Variants in LRCH2 observed in about 807,000 individuals in gnomAD.
LRCH2 encodes the protein leucine-rich repeat and calponin homology domain-containing protein 2.
LRCH2 carries 38 observed loss-of-function variants against 68.9 expected under a neutral mutation model. That is an observed-to-expected ratio of 0.55 (90% confidence interval 0.43 to 0.72). The LOEUF (loss-of-function observed/expected upper bound fraction) is 0.72, where lower values mean the gene tolerates loss of function less well. LRCH2 is among the 30% of genes least tolerant of loss of function. The pLI is 0.00. For synonymous variants in LRCH2, 191 were observed against 208.1 expected, an observed-to-expected ratio of 0.92 and a Z score of 0.71; for missense variants, 528 against 572.9, an observed-to-expected ratio of 0.92 and a Z score of 0.80.
intron 3 of LRCH2, among the ~76,000 whole-genome samples, chrX:115,181,267 G>T (rs1357830001): frequency 5.4e-5 from 6 of 111,831 alleles, no homozygotes; most frequent in South Asian, 3.7e-4. Flanking sequence ...ATGTGGGCAG[G>T]ATCCAGAAAC....
intron 5 of LRCH2, among the ~76,000 whole-genome samples, chrX:115,171,001 T>C (rs1360860209): frequency 9.0e-6 from 1 of 111,477 alleles, no homozygotes; most frequent in Non-Finnish European, 1.9e-5. Context: ...ATTACTTTCG[T>C]TGGCCATAGA....
chrX:115,192,068 G>A lies in LRCH2; in HGVS notation c.350-3698C>T, dbSNP rs371367269. On this transcript the variant is annotated intron_variant, in intron 1 of 20. Transcript: ENST00000317135. ...TCGCACGACACCCACAGCAGGGGCC[G>A]ATCGCCCGATGCCCACAGCGGGGAC... 5.1e-5 allele frequency: 59 copies of A among 1,165,092 alleles called. No individual in the cohort carries two copies. The African/African-American group carries it at 8.3e-4, about 16-fold the overall frequency.
intron 7 of LRCH2, 105 bp downstream of exon 7, chrX:115,166,150 G>T: frequency 1.5e-6 from 1 of 658,853 alleles, no homozygotes. Flanking sequence ...AAAATATAAT[G>T]ATCATATTTT....
chrX:115,155,485 C>A (rs1394254630), intron 12 of LRCH2, among the ~76,000 whole-genome samples: 1 of 110,928 alleles, frequency 9.0e-6, no homozygotes, highest in Non-Finnish European at 1.9e-5. Context: ...TATAATACTT[C>A]TTAATACCAG....
intron 3 of LRCH2, 65 bp downstream of exon 3, chrX:115,184,346 G>A: frequency 1.2e-6 from 1 of 865,382 alleles, no homozygotes; most frequent in Non-Finnish European, 1.5e-6. Flanking sequence ...ATTAAAAATA[G>A]GTAATCTTCC....
chrX:115,145,515 A>G (rs1412260691), intron 14 of LRCH2, among the ~76,000 whole-genome samples: 1 of 111,187 alleles, frequency 9.0e-6, no homozygotes, highest in Non-Finnish European at 1.9e-5. Flanking sequence ...CCCACGGAAT[A>G]GGAGGAAATA....
intron 1 of LRCH2, among the ~76,000 whole-genome samples, chrX:115,204,787 A>G (rs1402356895): frequency 1.8e-5 from 2 of 111,622 alleles, no homozygotes; most frequent in African/African-American, 6.5e-5. Context: ...TTTGGTCATA[A>G]CTATTCAACA....
intron 5 of LRCH2, among the ~76,000 whole-genome samples, chrX:115,176,138 G>T (rs1358372955): frequency 8.0e-5 from 9 of 112,091 alleles, no homozygotes; most frequent in Non-Finnish European, 1.5e-4. Flanking sequence ...AATTAAAATA[G>T]AAAAAATAGT....
intron 14 of LRCH2, among the ~76,000 whole-genome samples, chrX:115,143,103 A>C (rs1014276853): frequency 2.7e-5 from 3 of 111,550 alleles, no homozygotes; most frequent in African/African-American, 9.8e-5. Context: ...TTAAACAAAC[A>C]AACAAACAAA....
At chrX:115,191,431 G>T in intron 1 of LRCH2, 2 of 1,149,853 alleles carry the variant, frequency 1.7e-6, no homozygotes, top group Non-Finnish European at 2.3e-6. Flanking sequence ...CAACTGCTAC[G>T]GAGGAGGAGG....
intron 1 of LRCH2, chrX:115,191,110 G>A: frequency 8.6e-7 from 1 of 1,166,550 alleles, no homozygotes; most frequent in Non-Finnish European, 1.1e-6. Flanking sequence ...TGAGTACCGA[G>A]GCCGCTCGCA....
At chrX:115,208,453 C>G (rs2072984140) in intron 1 of LRCH2, among the ~76,000 whole-genome samples, 1 of 111,751 alleles carries the variant, frequency 8.9e-6, no homozygotes, top group South Asian at 3.7e-4. Context: ...TGCTGGCAGT[C>G]TATTAGAGAT....
intron 11 of LRCH2, among the ~76,000 whole-genome samples, chrX:115,162,422 C>T (rs1556542298): frequency 9.0e-6 from 1 of 111,107 alleles, no homozygotes; most frequent in African/African-American, 3.3e-5. Context: ...CATAAGTAGC[C>T]AATTTTTAAA....
intron 20 of LRCH2, among the ~76,000 whole-genome samples, chrX:115,118,751 T>C (rs1429782763): frequency 9.0e-6 from 1 of 110,927 alleles, no homozygotes; most frequent in African/African-American, 3.3e-5. Context: ...TTGATGAACA[T>C]TGATGCAAAA....
chrX:115,166,034 T>C, intron 7 of LRCH2, 82 bp from the exon 8 acceptor site: 2 of 745,026 alleles, frequency 2.7e-6, no homozygotes, highest in Non-Finnish European at 4.0e-6. Flanking sequence ...TACATATGAA[T>C]TACAGAATGT....
intron 14 of LRCH2, among the ~76,000 whole-genome samples, chrX:115,141,158 A>G (rs1457666712): frequency 1.9e-5 from 2 of 107,070 alleles, no homozygotes; most frequent in Non-Finnish European, 3.9e-5. Context: ...GAATGGCGTG[A>G]ACCTTGGGGA....
Position 115,163,765 on chromosome X carries a change from T to C in LRCH2, c.1374A>G (p.Leu458=). ...GDEKRLEKEQ[L]LAEEEDDDLK... is the part of the protein sequence containing the mutation. ...AATCATCATCCTCTTCCTCTGCCAG[T>C]AACTGTTCTTTCTCAAGTCTGAAAG... is the stretch of plus-strand genomic sequence containing the variant. The change falls in exon 11 of 21, where the codon TTA becomes TTG. Residue 458 remains leucine (L), a synonymous_variant. Transcript: ENST00000317135. The C allele has an allele frequency of 8.4e-7, 1 of 1,192,532 alleles. No individual in the cohort carries two copies.
intron 10 of LRCH2, among the ~76,000 whole-genome samples, chrX:115,165,002 T>C (rs1378409940): frequency 1.8e-5 from 2 of 111,016 alleles, no homozygotes. Context: ...ATGGAAAGTA[T>C]AGTAGAACAA....
chrX:115,165,526 T>C, intron 9 of LRCH2, 32 bp downstream of exon 9: 1 of 1,081,390 alleles, frequency 9.2e-7, no homozygotes, highest in Non-Finnish European at 1.2e-6. Context: ...CAAGAGAACA[T>C]GTTATTAATA....
Sources: allele counts gnomAD v4.1 joint callset (sites outside exome capture counted in the v4.1 genomes callset), GRCh38; gene constraint gnomAD v4.1.1; transcripts MANE v1.5; gene names NCBI Gene and HGNC (gene_info 2026-07-23, HGNC 2026-07-21).